Variants in FEZ2 observed in about 807,000 individuals in gnomAD.
The protein encoded by FEZ2 is fasciculation and elongation protein zeta-2.
Under a neutral mutation model 40.4 loss-of-function variants are expected in FEZ2, and 51 were observed. The ratio of observed to expected loss-of-function variants is 1.26; its 90% confidence interval spans 1.01 to 1.59. The LOEUF is 1.59. FEZ2 is among the 40% of genes most tolerant of loss of function. FEZ2 has a pLI of 0.00. For missense variants in FEZ2, 640 were observed against 438.3 expected (o/e 1.46, Z -4.11); for synonymous variants, 242 against 172.0 (o/e 1.41, Z -3.18).
chr2:36,583,391 A>C lies in FEZ2; in HGVS notation c.454T>G (p.Ser152Ala). The change falls in exon 3 of 8, where the codon TCC becomes GCC. Residue 152 changes from serine (S) to alanine (A), a missense_variant. Physicochemically the swap from Ser to Ala is moderately conservative, Grantham distance 99 (BLOSUM62 1). Transcript: ENST00000405912. ...AAGAGGGGTTCATCATTAACACAGGAGACGATGATTGAGTGCATATCCAGC... is the reference window on the plus strand; with the variant it reads ...AAGAGGGGTTCATCATTAACACAGGCGACGATGATTGAGTGCATATCCAGC... ...EQLDMHSIIV[S>A]CVNDEPLFTA... The C allele has an allele frequency of 6.2e-7, 1 of 1,604,840 alleles. No homozygotes were observed. Among genetic ancestry groups the C allele is most frequent in the Non-Finnish European group, 8.5e-7 (1 of 1,171,608 alleles).
chr2:36,552,982 C>A lies in FEZ2; in HGVS notation c.*181G>T. The A allele has an allele frequency of 1.9e-6, 1 of 523,504 alleles. No individual in the cohort carries two copies. Among genetic ancestry groups the A allele is most frequent in the Admixed American group, 3.6e-5 (1 of 28,004 alleles). 32.4% of individuals were successfully genotyped at this position (523,504 alleles called of 1,614,324 possible). A position where few individuals can be genotyped will look rare whatever the true frequency, so the allele number is the denominator to read the frequency against. On this transcript the variant is annotated 3_prime_UTR_variant, in exon 8 of 8. Transcript: ENST00000405912. ...ACCATCTCTAGAATTCAAAATAGTGCCCATATTTCCGTTGGTTCTATAATA... is the reference window on the plus strand; with the variant it reads ...ACCATCTCTAGAATTCAAAATAGTGACCATATTTCCGTTGGTTCTATAATA...
intron 5 of FEZ2, among the ~76,000 whole-genome samples, chr2:36,560,155 C>T (rs751864037): frequency 6.6e-6 from 1 of 152,122 alleles, no homozygotes; most frequent in Non-Finnish European, 1.5e-5. Flanking sequence ...CATGATATTC[C>T]TTCAATCATT....
intron 7 of FEZ2, among the ~76,000 whole-genome samples, chr2:36,553,448 G>A (rs544723633): frequency 8.3e-4 from 127 of 152,190 alleles, no homozygotes; most frequent in African/African-American, 2.8e-3. Flanking sequence ...CCTAACATTC[G>A]CCCTATACCA....
chr2:36,590,188 A>T (rs1477606527), intron 2 of FEZ2: 1 of 152,214 alleles, frequency 6.6e-6, no homozygotes, highest in Admixed American at 6.5e-5. Flanking sequence ...AAAAGCCAAG[A>T]ACTAAAATAT....
intron 5 of FEZ2, among the ~76,000 whole-genome samples, chr2:36,564,722 G>A (rs934208559): frequency 1.3e-5 from 2 of 152,052 alleles, no homozygotes; most frequent in Non-Finnish European, 2.9e-5. Flanking sequence ...ATGGACAAGG[G>A]AGATCTTCTC....
intron 2 of FEZ2, among the ~76,000 whole-genome samples, chr2:36,584,586 G>A (rs1310748291): frequency 6.6e-6 from 1 of 152,212 alleles, no homozygotes; most frequent in Non-Finnish European, 1.5e-5. Flanking sequence ...CCTCAGGAAG[G>A]ATTAGCACAC....
chr2:36,559,154 C>G (rs1668029202), intron 5 of FEZ2: 1 of 152,024 alleles, frequency 6.6e-6, no homozygotes, highest in Non-Finnish European at 1.5e-5. Context: ...AGAGAATGGC[C>G]TAAGGGGAAA....
At chr2:36,582,293 T>C (rs1487026058) in intron 3 of FEZ2, among the ~76,000 whole-genome samples, 1 of 152,122 alleles carries the variant, frequency 6.6e-6, no homozygotes, top group Non-Finnish European at 1.5e-5. Flanking sequence ...CCATGCTTTA[T>C]GAATTAACAA....
intron 1 of FEZ2, among the ~76,000 whole-genome samples, chr2:36,593,550 G>A (rs1204727798): frequency 6.6e-6 from 1 of 152,106 alleles, no homozygotes; most frequent in African/African-American, 2.4e-5. Context: ...CTTGGGGCTT[G>A]CACCCTCTGA....
intron 5 of FEZ2, chr2:36,560,720 C>CA: frequency 1.0e-6 from 1 of 973,946 alleles, no homozygotes; most frequent in Non-Finnish European, 1.6e-6. Flanking sequence ...TACCAGCTTT[C>CA]AGGATCTTCA....
intron 5 of FEZ2, among the ~76,000 whole-genome samples, chr2:36,569,221 T>C (rs756251419): frequency 4.6e-5 from 7 of 152,166 alleles, no homozygotes; most frequent in Non-Finnish European, 8.8e-5. Context: ...AATATCAATA[T>C]TCAAAAAAGT....
At chr2:36,566,039 C>A (rs777775579) in intron 5 of FEZ2, among the ~76,000 whole-genome samples, 16 of 152,176 alleles carry the variant, frequency 1.1e-4, no homozygotes, top group Non-Finnish European at 1.3e-4. Context: ...TCCTGGAAAA[C>A]TGAAATTGGT....
chr2:36,581,393 C>G lies in FEZ2; in HGVS notation c.531G>C (p.Pro177=), dbSNP rs763926773. The stretch of plus-strand genomic sequence containing the variant: ...TAGGGGTTTCATCATCTTCTGGGTC[C>G]GGTGATTCCTGCATCATTTCTTCAA... The part of the protein sequence containing the change: ...EEIEEMMQES[P]DPEDDETPTQ... The change falls in exon 4 of 8, where the codon CCG becomes CCC. Residue 177 remains proline (P), a synonymous_variant. Transcript: ENST00000405912. The G allele has an allele frequency of 1.2e-6, 2 of 1,613,184 alleles. No individual in the cohort carries two copies. The highest frequency in any genetic ancestry group is 1.1e-5 in the South Asian group (1 of 91,044).
In FEZ2 at chr2:36,555,713, G is replaced by C; in HGVS notation, c.1015C>G (p.Pro339Ala). ...RAMKEDSEKV[P>A]SLLTDYILKV... ...AGAATATAATCAGTTAACAAGCTCG[G>C]AACTTTTTCACTGTCCTCCTTCATG... The change falls in exon 7 of 8, where the codon CCG (proline) becomes GCG (alanine). Residue 339 changes from proline to alanine, a missense_variant. Physicochemically the swap from Pro to Ala is conservative, Grantham distance 27 (BLOSUM62 -1). Coordinates refer to ENST00000405912, the MANE Select transcript of FEZ2 (RefSeq NM_005102.3). 6.3e-7 allele frequency: 1 copy of C among 1,597,642 alleles called. No individual in the cohort carries two copies. The highest frequency in any genetic ancestry group is 8.5e-7 in the Non-Finnish European group (1 of 1,172,556).
At chr2:36,578,253 A>G (rs1668632630) in intron 5 of FEZ2, among the ~76,000 whole-genome samples, 1 of 152,228 alleles carries the variant, frequency 6.6e-6, no homozygotes, top group African/African-American at 2.4e-5. Flanking sequence ...TACTAGCCAA[A>G]TATACATAAC....
At chr2:36,593,865 T>C (rs1473915431) in intron 1 of FEZ2, among the ~76,000 whole-genome samples, 3 of 151,506 alleles carry the variant, frequency 2.0e-5, no homozygotes, top group African/African-American at 7.3e-5. Context: ...TTCTATCGCA[T>C]AGTCAGGCTG....
rs753288205 is a variant in FEZ2, at chr2:36,578,679, T to C, written c.821A>G (p.Lys274Arg). 5.7e-5 allele frequency: 92 copies of C among 1,613,848 alleles called. No individual in the cohort carries two copies. The highest frequency in any genetic ancestry group is 7.3e-5 in the Non-Finnish European group (86 of 1,179,872). ...TTTCTTTTTCTTTTTTGCTGTTTCTTTGTGCTCTTTCTGTTTGTTTTGCAC... is the reference window on the plus strand; with the variant it reads ...TTTCTTTTTCTTTTTTGCTGTTTCTCTGTGCTCTTTCTGTTTGTTTTGCAC... ...IEVQNKQKEHKETAKKKKKLK... is the reference protein window; with the variant it reads ...IEVQNKQKEHRETAKKKKKLK... The change falls in exon 5 of 8, where the codon AAA becomes AGA. Residue 274 changes from lysine to arginine, a missense_variant. Lys to Arg is a conservative substitution (Grantham distance 26, BLOSUM62 2). Transcript: ENST00000405912.
chr2:36,560,813 G>C lies in FEZ2; in HGVS notation c.904-2300C>G, dbSNP rs780346971. 6 of 1,611,110 alleles carry C rather than the reference G, an allele frequency of 3.7e-6. No individual in the cohort carries two copies. In the South Asian group the frequency reaches 5.5e-5, roughly 15 times the overall value. ...TTTCTCTCCACCTGAATTTCCAAAG[G>C]TGTGGCGGAGGCCATTCTGAATGAC... On this transcript the variant is annotated intron_variant, in intron 5 of 7. Transcript: ENST00000405912.
At chr2:36,597,244 T>C (rs1043498956) in intron 1 of FEZ2, among the ~76,000 whole-genome samples, 3 of 152,052 alleles carry the variant, frequency 2.0e-5, no homozygotes, top group African/African-American at 7.2e-5. Flanking sequence ...CGTTAGACTT[T>C]TTTCCACCTG....
Sources: gnomAD v4.1 joint callset for allele counts (sites outside exome capture counted in the v4.1 genomes callset) on GRCh38, gnomAD v4.1.1 for gene constraint, MANE v1.5 for transcripts, NCBI Gene and HGNC (gene_info 2026-07-23, HGNC 2026-07-21) for gene names.